MBNL2: variants seen among roughly 807,000 people sequenced by gnomAD.
MBNL2 encodes the protein muscleblind-like protein 2.
In MBNL2, 17 loss-of-function variants were observed where a neutral mutation model predicts 41.9. The observed-to-expected ratio is 0.41, with a 90% CI of 0.28 to 0.61. The LOEUF is 0.61. MBNL2 is among the 20% of genes least tolerant of loss of function. The pLI, the probability that MBNL2 is intolerant of heterozygous loss-of-function variation, is 0.35. For missense variants in MBNL2, 336 were observed against 505.6 expected, an observed-to-expected ratio of 0.66 and a Z score of 3.22; for synonymous variants, 195 against 182.9, an observed-to-expected ratio of 1.07 and a Z score of -0.53.
At chr13:97,335,864 A>G (rs1304672800) in intron 3 of MBNL2, among the ~76,000 whole-genome samples, 1 of 152,238 alleles carries the variant, frequency 6.6e-6, no homozygotes, top group African/African-American at 2.4e-5. Flanking sequence ...TGTATAATTT[A>G]TGGTTCTCTC....
intron 8 of MBNL2, among the ~76,000 whole-genome samples, chr13:97,372,650 T>C (rs1230334190): frequency 1.3e-5 from 2 of 152,186 alleles, no homozygotes; most frequent in Non-Finnish European, 2.9e-5. Flanking sequence ...TGATATCTTA[T>C]CAGAAAGATA....
chr13:97,178,479 A>G, the MBNL2 span, among the ~76,000 whole-genome samples: 5 of 152,226 alleles, frequency 3.3e-5, no homozygotes, highest in African/African-American at 9.6e-5. Flanking sequence ...TTGTTATACA[A>G]CCATTTTGGG....
intron 1 of MBNL2, among the ~76,000 whole-genome samples, chr13:97,223,950 G>C (rs1277173365): frequency 6.6e-6 from 1 of 152,138 alleles, no homozygotes; most frequent in Non-Finnish European, 1.5e-5. Context: ...TCCTGGCCAG[G>C]AACATTCTAA....
chr13:97,336,324 A>G (rs2060878024), intron 3 of MBNL2, among the ~76,000 whole-genome samples: 1 of 152,164 alleles, frequency 6.6e-6, no homozygotes, highest in Non-Finnish European at 1.5e-5. Flanking sequence ...AGTCTCAGAA[A>G]TGAATTAGTG....
rs892390481 is a variant in MBNL2 at position 97,334,024 on chromosome 13, G to A, written c.175-252G>A. On this transcript the variant is annotated intron_variant, in intron 2 of 8. Transcript: ENST00000679496. The surrounding 1 kb of genome is among the most constrained non-coding windows in gnomAD (Gnocchi z 5.3). ...AAAGAGAGAAAGAGAGAGAGGGAGG[G>A]AGGGAGGGAAAAATCCTCAGGAAGC... is the stretch of plus-strand genomic sequence containing the variant. Among the ~76,000 whole-genome samples, 3 of 145,988 alleles carry A rather than the reference G, an allele frequency of 2.1e-5. No homozygotes were observed. Among genetic ancestry groups the A allele is most frequent in the African/African-American group, 7.5e-5 (3 of 39,852 alleles).
At chr13:97,167,028 G>A in the MBNL2 span, among the ~76,000 whole-genome samples, 1 of 152,074 alleles carries the variant, frequency 6.6e-6, no homozygotes, top group Admixed American at 6.6e-5. Context: ...CTCTGCTTCT[G>A]GTAACAAAGT....
intron 2 of MBNL2, among the ~76,000 whole-genome samples, chr13:97,310,631 G>T (rs541350599): frequency 1.3e-5 from 2 of 151,814 alleles, no homozygotes; most frequent in Non-Finnish European, 1.5e-5. Context: ...GGGTTTCAGC[G>T]TGTTAGCCAG....
At chr13:97,143,993 G>A in the MBNL2 span, among the ~76,000 whole-genome samples, 7 of 152,092 alleles carry the variant, frequency 4.6e-5, no homozygotes, top group Middle Eastern at 3.4e-3. Flanking sequence ...ACAGGCTCCC[G>A]CCACCATGCC....
chr13:97,294,678 T>A (rs2056750847), intron 2 of MBNL2, among the ~76,000 whole-genome samples: 1 of 152,218 alleles, frequency 6.6e-6, no homozygotes, highest in Non-Finnish European at 1.5e-5. Context: ...TAGAAAACAT[T>A]ACTTGAAATA....
At chr13:97,178,400 T>G in the MBNL2 span, among the ~76,000 whole-genome samples, 1,028 of 152,284 alleles carry the variant, frequency 6.8e-3, 11 homozygotes, top group African/African-American at 9.4e-3. Flanking sequence ...GAAAAAGCAG[T>G]AATAGTGTAC....
intron 1 of MBNL2, among the ~76,000 whole-genome samples, chr13:97,247,557 A>G (rs2045711347): frequency 6.6e-6 from 1 of 152,226 alleles, no homozygotes; most frequent in African/African-American, 2.4e-5. Context: ...TATTGATTGA[A>G]GTTAATGATA....
At chr13:97,367,472 TA>T (rs2063945499) in intron 8 of MBNL2, among the ~76,000 whole-genome samples, 1 of 152,176 alleles carries the variant, frequency 6.6e-6, no homozygotes. Flanking sequence ...GCTCTGCTAA[TA>T]AAAGATGACA....
chr13:97,209,133 A>G, the MBNL2 span, among the ~76,000 whole-genome samples: 1 of 152,212 alleles, frequency 6.6e-6, no homozygotes, highest in Non-Finnish European at 1.5e-5. Context: ...TTTAAATTAA[A>G]TCCCTATATT....
chr13:97,327,560 TAAAAAAAAAAAA>T (rs71922683), intron 2 of MBNL2, among the ~76,000 whole-genome samples: 3 of 90,774 alleles, frequency 3.3e-5, no homozygotes, highest in Non-Finnish European at 4.0e-5. Context: ...ACGTTATTTG[TAAAAAAAAAAAA>T]AAAAAAAAAA....
At chr13:97,306,043 T>C (rs11843682) in intron 2 of MBNL2, among the ~76,000 whole-genome samples, 14,998 of 152,242 alleles carry the variant, frequency 0.099, 1,102 homozygotes, top group African/African-American at 0.21. Flanking sequence ...CTGAGCAGCT[T>C]CCACTGCTAG....
chr13:97,225,327 A>G (rs1311035078), intron 1 of MBNL2, among the ~76,000 whole-genome samples: 1 of 152,138 alleles, frequency 6.6e-6, no homozygotes. Flanking sequence ...GTACTTTCCT[A>G]CCGATAACAA....
intron 8 of MBNL2, among the ~76,000 whole-genome samples, chr13:97,384,698 A>G (rs1351623854): frequency 1.3e-5 from 2 of 152,210 alleles, no homozygotes; most frequent in Non-Finnish European, 1.5e-5. Context: ...TATTTTTAGG[A>G]AATGCCAATT....
chr13:97,332,962 G>A (rs917443351), intron 2 of MBNL2, among the ~76,000 whole-genome samples: 6 of 152,214 alleles, frequency 3.9e-5, no homozygotes, highest in Admixed American at 2.6e-4. Context: ...CAGGGCCCAT[G>A]TCTGCCCTTC....
At chr13:97,248,813 A>G (rs2045979142) in intron 1 of MBNL2, among the ~76,000 whole-genome samples, 1 of 152,184 alleles carries the variant, frequency 6.6e-6, no homozygotes, top group South Asian at 2.1e-4. Flanking sequence ...TTAATGGTTA[A>G]TTTTCTATTA....
Sources: gnomAD v4.1 joint callset for allele counts (sites outside exome capture counted in the v4.1 genomes callset) on GRCh38, gnomAD v4.1.1 for gene constraint, Gnocchi (gnomAD v3.1) non-coding constraint, MANE v1.5 for transcripts, NCBI Gene and HGNC (gene_info 2026-07-23, HGNC 2026-07-21) for gene names.